The following STAG1 variants were observed in gnomAD, a reference collection of about 807,000 sequenced individuals.
STAG1 encodes the protein STAG1 cohesin complex component.
In STAG1, 26 loss-of-function variants were observed where a neutral mutation model predicts 170.9. That is an observed-to-expected ratio of 0.15 (90% CI 0.11 to 0.21). STAG1 has a LOEUF of 0.21. Ranked by LOEUF, STAG1 falls within the 10% of genes least tolerant of loss-of-function variation. The pLI is 1.00. For synonymous variants in STAG1, 514 were observed against 497.7 expected (o/e 1.03, Z -0.44); for missense variants, 964 against 1,509.5 (o/e 0.64, Z 5.99).
At chr3:136,431,317 G>T (rs1430648202) in intron 16 of STAG1, among the ~76,000 whole-genome samples, 4 of 151,980 alleles carry the variant, frequency 2.6e-5, no homozygotes, top group Non-Finnish European at 5.9e-5. Context: ...CTGTTGCCCA[G>T]GCTGGAGTGC....
At chr3:136,540,217 T>C (rs1935824881) in intron 6 of STAG1, among the ~76,000 whole-genome samples, 1 of 152,050 alleles carries the variant, frequency 6.6e-6, no homozygotes. Flanking sequence ...GAATAATATC[T>C]TCCTCAAGTG....
At chr3:136,581,636 T>C (rs940173305) in intron 4 of STAG1, among the ~76,000 whole-genome samples, 2 of 152,276 alleles carry the variant, frequency 1.3e-5, no homozygotes, top group East Asian at 3.9e-4. Context: ...CTTAAAAATA[T>C]TAATATTTTT....
chr3:136,612,824 G>A (rs1939372131), intron 3 of STAG1, among the ~76,000 whole-genome samples: 1 of 152,116 alleles, frequency 6.6e-6, no homozygotes, highest in South Asian at 2.1e-4. Flanking sequence ...CCACTGTTAG[G>A]CAATTACAAA....
chr3:136,608,797 CAAAA>C (rs34993713), intron 3 of STAG1, among the ~76,000 whole-genome samples: 3 of 79,192 alleles, frequency 3.8e-5, no homozygotes, highest in Admixed American at 1.6e-4. Context: ...GACCCTATCT[CAAAA>C]AAAAAAAAAA....
intron 1 of STAG1, among the ~76,000 whole-genome samples, chr3:136,667,540 T>C (rs1394986587): frequency 1.3e-5 from 2 of 152,148 alleles, no homozygotes; most frequent in Non-Finnish European, 2.9e-5. Flanking sequence ...ATTTTGTGCA[T>C]TTCTGTGTTT....
intron 4 of STAG1, among the ~76,000 whole-genome samples, chr3:136,603,239 T>G (rs1222303715): frequency 6.6e-6 from 1 of 152,078 alleles, no homozygotes; most frequent in South Asian, 2.1e-4. Context: ...TACCCCAGGC[T>G]GGAGTGCAGT....
chr3:136,641,393 A>G (rs529524067), intron 1 of STAG1, among the ~76,000 whole-genome samples: 1 of 152,344 alleles, frequency 6.6e-6, no homozygotes, highest in Admixed American at 6.5e-5. Flanking sequence ...TGGTAATGTT[A>G]TAGTGAAGAA....
At chr3:136,437,857 A>G (rs2088503662) in intron 15 of STAG1, among the ~76,000 whole-genome samples, 1 of 152,110 alleles carries the variant, frequency 6.6e-6, no homozygotes, top group Non-Finnish European at 1.5e-5. Context: ...CCCTCTTTAT[A>G]AGCCATCTCC....
chr3:136,510,994 A>G (rs779193854), intron 7 of STAG1, among the ~76,000 whole-genome samples: 11 of 150,850 alleles, frequency 7.3e-5, no homozygotes, highest in Non-Finnish European at 1.3e-4. Context: ...CTAGTCTCGA[A>G]CTCCTGACCT....
intron 1 of STAG1, among the ~76,000 whole-genome samples, chr3:136,678,364 A>T (rs1315554770): frequency 6.6e-6 from 1 of 151,910 alleles, no homozygotes; most frequent in Non-Finnish European, 1.5e-5. Context: ...CAATGATGAA[A>T]AAATCCATAA....
chr3:136,424,328 CTT>C (rs60213699), intron 16 of STAG1, among the ~76,000 whole-genome samples: 21 of 117,128 alleles, frequency 1.8e-4, no homozygotes, highest in Non-Finnish European at 1.4e-4. Context: ...ATGGAACGAT[CTT>C]TTTTTTTTTT....
intron 6 of STAG1, among the ~76,000 whole-genome samples, chr3:136,538,827 G>A (rs1166447297): frequency 1.3e-5 from 2 of 152,008 alleles, no homozygotes; most frequent in Non-Finnish European, 1.5e-5. Context: ...TTCACTATTA[G>A]GATTATAGTT....
chr3:136,651,376 T>TAAAA (rs57372663), intron 1 of STAG1, among the ~76,000 whole-genome samples: 2 of 121,992 alleles, frequency 1.6e-5, no homozygotes, highest in South Asian at 2.6e-4. Flanking sequence ...ACCAAAAATT[T>TAAAA]AAAAAAAAAA....
At chr3:136,705,179 G>T (rs1445274346) in intron 1 of STAG1, among the ~76,000 whole-genome samples, 1 of 151,988 alleles carries the variant, frequency 6.6e-6, no homozygotes, top group Non-Finnish European at 1.5e-5. Context: ...TTCGAGACCA[G>T]CCTGGCCAAC....
chr3:136,682,784 T>C (rs986396663), intron 1 of STAG1, among the ~76,000 whole-genome samples: 3 of 152,124 alleles, frequency 2.0e-5, no homozygotes, highest in African/African-American at 7.2e-5. Context: ...ACCCAAAAGA[T>C]TTAAAAGAAG....
chr3:136,433,800 A>AT (rs893515634), intron 15 of STAG1, 141 bp from the exon 16 acceptor site: 6,211 of 489,668 alleles, frequency 0.013, no homozygotes, highest in South Asian at 0.016. Flanking sequence ...GTACTTTGCT[A>AT]TTTTTTTTTT....
chr3:136,663,689 C>T (rs773122476), intron 1 of STAG1, among the ~76,000 whole-genome samples: 4 of 152,102 alleles, frequency 2.6e-5, no homozygotes, highest in African/African-American at 4.8e-5. Flanking sequence ...CAATTGAACA[C>T]GGTGGACTGA....
At chr3:136,527,824 G>A (rs1935131341) in intron 6 of STAG1, among the ~76,000 whole-genome samples, 1 of 152,194 alleles carries the variant, frequency 6.6e-6, no homozygotes, top group Admixed American at 6.5e-5. Flanking sequence ...TCAGCTGCAG[G>A]TCTGTTGGAG....
At chr3:136,468,023 G>A (rs529024086) in intron 12 of STAG1, among the ~76,000 whole-genome samples, 1 of 152,122 alleles carries the variant, frequency 6.6e-6, no homozygotes, top group Admixed American at 6.6e-5. Context: ...AGAGGGAAAT[G>A]TATAGCACTA....
Sources: allele counts gnomAD v4.1 joint callset (sites outside exome capture counted in the v4.1 genomes callset), GRCh38; gene constraint gnomAD v4.1.1; transcripts MANE v1.5; gene names NCBI Gene and HGNC (gene_info 2026-07-23, HGNC 2026-07-21).